Variants in IGSF11 observed in about 807,000 individuals in gnomAD.
IGSF11 encodes the protein immunoglobulin superfamily member 11, also known as CXADR like 1.
In IGSF11, 22 loss-of-function variants were observed where a neutral mutation model predicts 41.0. That is an observed-to-expected ratio of 0.54 (90% CI 0.38 to 0.77). IGSF11 has a LOEUF of 0.77. IGSF11 is among the 30% of genes least tolerant of loss of function. The pLI, the probability that IGSF11 is intolerant of heterozygous loss-of-function variation, is 0.00. For synonymous variants in IGSF11, 219 were observed against 201.3 expected (o/e 1.09, Z -0.74); for missense variants, 444 against 530.8 (o/e 0.84, Z 1.61).
intron 4 of IGSF11, among the ~76,000 whole-genome samples, chr3:118,916,173 C>T (rs1299485989): frequency 9.3e-5 from 14 of 150,786 alleles, no homozygotes; most frequent in African/African-American, 2.2e-4. Flanking sequence ...TAAAGACCAT[C>T]GAGACTAGGA....
intron 1 of IGSF11, among the ~76,000 whole-genome samples, chr3:119,131,584 C>T (rs2077482346): frequency 6.6e-6 from 1 of 152,128 alleles, no homozygotes; most frequent in South Asian, 2.1e-4. Flanking sequence ...ACTGGTGGAC[C>T]TGAAAGTGAT....
upstream of IGSF11, among the ~76,000 whole-genome samples, chr3:119,110,116 C>T (rs945183458): frequency 6.6e-6 from 1 of 152,090 alleles, no homozygotes; most frequent in Non-Finnish European, 1.5e-5. Flanking sequence ...CCGCTTGGTG[C>T]AGAGCTGAGT....
intron 3 of IGSF11, among the ~76,000 whole-genome samples, chr3:118,927,622 A>C (rs1942445424): frequency 6.6e-6 from 1 of 152,134 alleles, no homozygotes; most frequent in Non-Finnish European, 1.5e-5. Context: ...AACAACAACG[A>C]AGGAAAAAGA....
chr3:119,056,212 G>T (rs1371303995), intron 1 of IGSF11, among the ~76,000 whole-genome samples: 1 of 151,998 alleles, frequency 6.6e-6, no homozygotes, highest in African/African-American at 2.4e-5. Context: ...CAACAAAATT[G>T]ATAGACTGCT....
intron 1 of IGSF11, among the ~76,000 whole-genome samples, chr3:118,991,278 T>TA (rs1935768955): frequency 1.3e-5 from 2 of 152,206 alleles, no homozygotes; most frequent in South Asian, 4.1e-4. Flanking sequence ...GAACACCACT[T>TA]ATCATAACAC....
chr3:118,927,466 T>C (rs553802220), intron 3 of IGSF11, among the ~76,000 whole-genome samples: 2 of 152,328 alleles, frequency 1.3e-5, no homozygotes, highest in South Asian at 2.1e-4. Flanking sequence ...CAATTTTTAA[T>C]ATAATACAAT....
upstream of IGSF11, among the ~76,000 whole-genome samples, chr3:119,036,536 G>A (rs892965765): frequency 6.6e-6 from 1 of 152,138 alleles, no homozygotes; most frequent in African/African-American, 2.4e-5. Context: ...TATAAATATA[G>A]AGGCAGAATA....
intron 4 of IGSF11, among the ~76,000 whole-genome samples, chr3:118,912,655 A>C (rs1940476236): frequency 6.6e-6 from 1 of 152,240 alleles, no homozygotes; most frequent in East Asian, 1.9e-4. Flanking sequence ...AAGCGTTCAC[A>C]TGAGGGAAAC....
chr3:118,944,034 T>C (rs557127365), intron 1 of IGSF11, among the ~76,000 whole-genome samples: 13 of 152,362 alleles, frequency 8.5e-5, no homozygotes, highest in African/African-American at 2.9e-4. Flanking sequence ...TCAACTGAAA[T>C]ATTTTATTCT....
chr3:118,905,838 G>T, intron 4 of IGSF11, 120 bp from the exon 5 acceptor site: 2 of 1,099,634 alleles, frequency 1.8e-6, no homozygotes, highest in African/African-American at 3.2e-5. Flanking sequence ...TTTCTTTTTT[G>T]TGGGGGTAGG....
intron 1 of IGSF11, among the ~76,000 whole-genome samples, chr3:118,968,122 T>C (rs1945810411): frequency 6.6e-6 from 1 of 152,322 alleles, no homozygotes; most frequent in African/African-American, 2.4e-5. Context: ...TATATATTTT[T>C]ATATGTGAAA....
chr3:118,964,299 T>C (rs926521734), intron 1 of IGSF11, among the ~76,000 whole-genome samples: 8 of 152,162 alleles, frequency 5.3e-5, no homozygotes, highest in African/African-American at 1.4e-4. Flanking sequence ...GTTAAATCTG[T>C]ATATGTGTAC....
chr3:118,916,077 A>C (rs1177822229), intron 4 of IGSF11, among the ~76,000 whole-genome samples: 3 of 149,306 alleles, frequency 2.0e-5, no homozygotes, highest in Non-Finnish European at 4.4e-5. Flanking sequence ...GTCACCACCA[A>C]GCCTGCCCTA....
At chr3:118,985,785 C>T in intron 1 of IGSF11, among the ~76,000 whole-genome samples, 1 of 152,160 alleles carries the variant, frequency 6.6e-6, no homozygotes, top group Non-Finnish European at 1.5e-5. Flanking sequence ...CCCTTATCAT[C>T]TCTCCTCTGA....
intron 1 of IGSF11, among the ~76,000 whole-genome samples, chr3:119,123,774 A>T (rs769820888): frequency 1.3e-5 from 2 of 152,230 alleles, no homozygotes; most frequent in Non-Finnish European, 2.9e-5. Context: ...TAGCACCTCG[A>T]TGACTCTACA....
intron 1 of IGSF11, among the ~76,000 whole-genome samples, chr3:119,083,603 T>C (rs912149984): frequency 1.3e-5 from 2 of 151,986 alleles, no homozygotes; most frequent in South Asian, 4.1e-4. Context: ...ACCTCATATA[T>C]GATAGTGGTC....
intron 1 of IGSF11, among the ~76,000 whole-genome samples, chr3:119,048,187 CA>C (rs1378572801): frequency 6.6e-6 from 1 of 151,946 alleles, no homozygotes; most frequent in African/African-American, 2.4e-5. Flanking sequence ...CAAAACGCTT[CA>C]AAAAATTAAT....
chr3:118,936,506 C>CA (rs1218247191), intron 1 of IGSF11, among the ~76,000 whole-genome samples: 1,029 of 96,712 alleles, frequency 0.011, 2 homozygotes, highest in African/African-American at 0.015. Flanking sequence ...GATTTCATCT[C>CA]AAAAAAAAAA....
intron 1 of IGSF11, among the ~76,000 whole-genome samples, chr3:119,055,114 G>A (rs1479724857): frequency 6.6e-6 from 1 of 152,148 alleles, no homozygotes. Context: ...TGCAGCTGAG[G>A]GTCGTGACTG....
Sources: gnomAD v4.1 joint callset for allele counts (sites outside exome capture counted in the v4.1 genomes callset) on GRCh38, gnomAD v4.1.1 for gene constraint, MANE v1.5 for transcripts, NCBI Gene and HGNC (gene_info 2026-07-23, HGNC 2026-07-21) for gene names.